The following LRRIQ3 variants were observed in gnomAD, a reference collection of about 807,000 sequenced individuals.
The protein encoded by LRRIQ3 is leucine rich repeats and IQ motif containing 3.
A neutral mutation model predicts 59.3 loss-of-function variants in LRRIQ3; 75 were observed. The observed-to-expected ratio is 1.26, with a 90% CI of 1.05 to 1.53. LRRIQ3 has a LOEUF of 1.53. LRRIQ3 is among the 40% of genes most tolerant of loss of function. The probability of loss-of-function intolerance (pLI) is 0.00; values close to 1 mark genes in which losing one functional copy is unlikely to be tolerated. For missense variants in LRRIQ3, 831 were observed against 710.0 expected, an observed-to-expected ratio of 1.17 and a Z score of -1.94; for synonymous variants, 250 against 231.3, an observed-to-expected ratio of 1.08 and a Z score of -0.73.
chr1:74,133,502 C>T (rs1647063835), intron 4 of LRRIQ3, among the ~76,000 whole-genome samples: 2 of 152,080 alleles, frequency 1.3e-5, no homozygotes, highest in South Asian at 4.2e-4. Context: ...GAAAATGTGG[C>T]ACATATACAC....
chr1:74,066,869 G>A (rs528922117), intron 6 of LRRIQ3, among the ~76,000 whole-genome samples: 1 of 152,176 alleles, frequency 6.6e-6, no homozygotes, highest in Non-Finnish European at 1.5e-5. Context: ...TAGACCATCT[G>A]AAACATAAGC....
At chr1:74,028,874 G>C (rs1385474371) in intron 7 of LRRIQ3, among the ~76,000 whole-genome samples, 1 of 151,916 alleles carries the variant, frequency 6.6e-6, no homozygotes, top group Non-Finnish European at 1.5e-5. Context: ...GAAATCAGGA[G>C]AGTAGTCAGG....
rs943211309 is a variant in LRRIQ3, at chr1:74,180,666, C to CATTTGTGA, written c.573+1864_573+1871dup. The CATTTGTGA allele has an allele frequency of 2.2e-5, 33 of 1,516,616 alleles. No individual in the cohort carries two copies. The African/African-American group carries it at 4.6e-4, about 21-fold the overall frequency. 93.9% of individuals were successfully genotyped at this position (1,516,616 alleles called of 1,614,324 possible). On this transcript the variant is annotated intron_variant, in intron 3 of 7. Transcript: ENST00000354431. ...ACACTCAAATCTCTGCACTGTCTGTCATTTGTGATGCAATGTTGACTGCAG... is the reference window on the plus strand; with the variant it reads ...ACACTCAAATCTCTGCACTGTCTGTCATTTGTGAATTTGTGATGCAATGTTGACTGCAG...
At chr1:74,156,566 C>A (rs1648340815) in intron 3 of LRRIQ3, among the ~76,000 whole-genome samples, 1 of 151,882 alleles carries the variant, frequency 6.6e-6, no homozygotes, top group Non-Finnish European at 1.5e-5. Context: ...AAATTTTAAC[C>A]ATAATCATTC....
At position 74,041,659 on chromosome 1, in the gene LRRIQ3, G is replaced by A; in HGVS notation, c.1272C>T (p.Asp424=). The change falls in exon 7 of 8, where the codon GAC becomes GAT. Residue 424 remains aspartate (D), a synonymous_variant. Transcript: ENST00000354431. ...GMKLRTFSDI[D]KYYTEQKKQE... The stretch of plus-strand genomic sequence containing the variant: ...GCTTCTTTTGTTCTGTGTAATATTT[G>A]TCAATATCACTAAATGTTCGGAGTT... 6.2e-7 allele frequency: 1 copy of A among 1,613,468 alleles called. No homozygotes were observed. The highest frequency in any genetic ancestry group is 8.5e-7 in the Non-Finnish European group (1 of 1,179,812).
intron 1 of LRRIQ3, among the ~76,000 whole-genome samples, chr1:74,197,251 C>T (rs1651240934): frequency 6.6e-6 from 1 of 152,088 alleles, no homozygotes; most frequent in South Asian, 2.1e-4. Flanking sequence ...GTCTACGTAC[C>T]TAATGAAGAC....
chr1:74,127,267 C>T (rs946615346), intron 4 of LRRIQ3, among the ~76,000 whole-genome samples: 1 of 151,822 alleles, frequency 6.6e-6, no homozygotes, highest in South Asian at 2.1e-4. Flanking sequence ...TTACTGGTAA[C>T]CAATCATTGA....
At chr1:74,084,187 G>A in intron 5 of LRRIQ3, 4 of 1,547,184 alleles carry the variant, frequency 2.6e-6, no homozygotes, top group Non-Finnish European at 3.5e-6. Flanking sequence ...GCCCACTTCA[G>A]TGAAAATTGA....
intron 1 of LRRIQ3, among the ~76,000 whole-genome samples, chr1:74,186,900 T>C (rs1272928058): frequency 1.3e-5 from 2 of 152,146 alleles, no homozygotes; most frequent in African/African-American, 4.8e-5. Context: ...TTTTCCTCCA[T>C]TTTGTTCAAC....
At chr1:74,060,485 T>C (rs537144990) in intron 6 of LRRIQ3, among the ~76,000 whole-genome samples, 50 of 152,220 alleles carry the variant, frequency 3.3e-4, no homozygotes, top group African/African-American at 1.1e-3. Flanking sequence ...CTTACAGATA[T>C]AAATTTCATT....
chr1:74,097,176 G>A (rs1179732979), intron 5 of LRRIQ3, among the ~76,000 whole-genome samples: 2 of 152,068 alleles, frequency 1.3e-5, no homozygotes, highest in African/African-American at 2.4e-5. Flanking sequence ...AAGATTAGAT[G>A]AATGGCTTAC....
At chr1:74,138,051 C>A (rs1430979304) in intron 4 of LRRIQ3, among the ~76,000 whole-genome samples, 1 of 151,282 alleles carries the variant, frequency 6.6e-6, no homozygotes, top group Non-Finnish European at 1.5e-5. Flanking sequence ...TATAACAAAC[C>A]TGCATGTTCT....
At chr1:74,125,820 T>C (rs1054460011) in intron 4 of LRRIQ3, among the ~76,000 whole-genome samples, 1 of 151,942 alleles carries the variant, frequency 6.6e-6, no homozygotes, top group African/African-American at 2.4e-5. Flanking sequence ...TTTCTGTTTT[T>C]GACCTGTCTT....
At chr1:74,093,556 T>C (rs1342935232) in intron 5 of LRRIQ3, among the ~76,000 whole-genome samples, 1 of 152,128 alleles carries the variant, frequency 6.6e-6, no homozygotes, top group African/African-American at 2.4e-5. Context: ...TGAAGCAGAC[T>C]GGACATCTAC....
At chr1:74,043,631 T>C (rs1404512724) in intron 6 of LRRIQ3, among the ~76,000 whole-genome samples, 1 of 152,146 alleles carries the variant, frequency 6.6e-6, no homozygotes, top group African/African-American at 2.4e-5. Flanking sequence ...TGGTTGAACA[T>C]AGTCCCATTA....
chr1:74,151,045 G>A (rs1332049278), intron 4 of LRRIQ3, among the ~76,000 whole-genome samples: 1 of 108,204 alleles, frequency 9.2e-6, no homozygotes, highest in African/African-American at 3.5e-5. Flanking sequence ...TTTAGATGGA[G>A]TCTTGCTCTG....
At chr1:74,121,060 T>TA (rs1188619150) in intron 4 of LRRIQ3, among the ~76,000 whole-genome samples, 1 of 152,172 alleles carries the variant, frequency 6.6e-6, no homozygotes, top group Non-Finnish European at 1.5e-5. Context: ...AATAGGTATT[T>TA]AAAAAACTTT....
intron 3 of LRRIQ3, among the ~76,000 whole-genome samples, chr1:74,176,190 A>G (rs954390806): frequency 6.6e-6 from 1 of 152,112 alleles, no homozygotes; most frequent in Non-Finnish European, 1.5e-5. Context: ...ATCTGAGTAT[A>G]TATTAATTCC....
chr1:74,142,970 G>A (rs1480008430), intron 4 of LRRIQ3, among the ~76,000 whole-genome samples: 1 of 151,954 alleles, frequency 6.6e-6, no homozygotes, highest in Non-Finnish European at 1.5e-5. Context: ...CATTCATTTT[G>A]AAAGAAAGCA....
Sources: gnomAD v4.1 joint callset for allele counts (sites outside exome capture counted in the v4.1 genomes callset) on GRCh38, gnomAD v4.1.1 for gene constraint, MANE v1.5 for transcripts, NCBI Gene and HGNC (gene_info 2026-07-23, HGNC 2026-07-21) for gene names.